The following MEI1 variants were observed in gnomAD, a reference collection of about 807,000 sequenced individuals.
MEI1 encodes meiotic double-stranded break formation protein 1, also known as meiosis inhibitor protein 1.
Under a neutral mutation model 146.2 loss-of-function variants are expected in MEI1, and 103 were observed. That is an observed-to-expected ratio of 0.70 (90% confidence interval 0.60 to 0.83). MEI1 has a LOEUF of 0.83. Among genes scored for constraint, MEI1 ranks in the 40% least tolerant of loss-of-function variants. The probability of loss-of-function intolerance (pLI) is 0.00; values close to 1 mark genes in which losing one functional copy is unlikely to be tolerated. For missense variants in MEI1, 1,529 were observed against 1,533.0 expected (o/e 1.00, Z 0.04); for synonymous variants, 652 against 628.2 (o/e 1.04, Z -0.57).
At chr22:41,768,275 G>A (rs771444499) in intron 19 of MEI1, among the ~76,000 whole-genome samples, 6 of 151,918 alleles carry the variant, frequency 3.9e-5, no homozygotes, top group African/African-American at 1.2e-4. Context: ...CCAGCTACTC[G>A]GGAGGCTGAG....
chr22:41,729,689 C>T lies in MEI1; in HGVS notation c.889C>T (p.Leu297=). Residue 297 remains leucine, a synonymous_variant, in exon 8 of 31, where the codon CTG becomes TTG. Transcript: ENST00000401548. The stretch of plus-strand genomic sequence containing the variant: ...GCTTCTCCTCTCTAGAGATGAAACC[C>T]TGCAGGTGGCCAGTGCTCACTGTAT... ...KKLLLSRDET[L]QVASAHCITA... is the part of the protein sequence containing the mutation. 2 of 1,611,660 alleles carry T rather than the reference C, an allele frequency of 1.2e-6. No individual in the cohort carries two copies. The highest frequency in any genetic ancestry group is 8.5e-7 in the Non-Finnish European group (1 of 1,179,002).
intron 11 of MEI1, among the ~76,000 whole-genome samples, chr22:41,738,402 C>T (rs1460428579): frequency 2.0e-5 from 3 of 152,116 alleles, no homozygotes; most frequent in Non-Finnish European, 2.9e-5. Flanking sequence ...GCCTGACCAA[C>T]GTGGTTCATC....
At chr22:41,763,660 T>G (rs2074654450) in intron 19 of MEI1, among the ~76,000 whole-genome samples, 1 of 151,928 alleles carries the variant, frequency 6.6e-6, no homozygotes, top group South Asian at 2.1e-4. Flanking sequence ...TGGTGTGATT[T>G]CGGCTCACTG....
intron 20 of MEI1, among the ~76,000 whole-genome samples, chr22:41,771,352 ACTC>A (rs1469727598): frequency 2.0e-5 from 3 of 151,938 alleles, no homozygotes; most frequent in East Asian, 1.9e-4. Flanking sequence ...TGGCAGAGGG[ACTC>A]CTCCTCTTTT....
At chr22:41,710,080 C>T (rs1014232032) in intron 3 of MEI1, among the ~76,000 whole-genome samples, 4 of 151,772 alleles carry the variant, frequency 2.6e-5, no homozygotes, top group Non-Finnish European at 5.9e-5. Context: ...TAAAATGAGG[C>T]AATTAGGATG....
chr22:41,746,597 G>T (rs1376309570), intron 14 of MEI1, among the ~76,000 whole-genome samples: 1 of 152,216 alleles, frequency 6.6e-6, no homozygotes, highest in East Asian at 1.9e-4. Flanking sequence ...CTGACTTGAG[G>T]TTGAGATGGT....
At position 41,716,080 on chromosome 22, in the gene MEI1, C is replaced by G; in HGVS notation, c.463C>G (p.Leu155Val). 1 of 1,611,988 alleles carries G rather than the reference C, an allele frequency of 6.2e-7. No individual in the cohort carries two copies. The stretch of plus-strand genomic sequence containing the variant: ...CTCCATGCGAGGCAGCCTGGCCACC[C>G]TGACCCTTCTTGGCAAGTTGGTGGA... ...MPSMRGSLATLTLLGKLVDAI... is the reference protein window; with the variant it reads ...MPSMRGSLATVTLLGKLVDAI... The change falls in exon 5 of 31, where the codon CTG (leucine) becomes GTG (valine). Residue 155 changes from leucine to valine, a missense_variant. Coordinates refer to ENST00000401548, the MANE Select transcript of MEI1 (RefSeq NM_152513.4).
chr22:41,762,955 C>T (rs1325207049), intron 18 of MEI1, among the ~76,000 whole-genome samples: 2 of 152,136 alleles, frequency 1.3e-5, no homozygotes, highest in Non-Finnish European at 2.9e-5. Flanking sequence ...GAGTATTTGG[C>T]CCCTAACTGA....
At chr22:41,742,160 T>C (rs1219931883) in intron 11 of MEI1, among the ~76,000 whole-genome samples, 1 of 152,094 alleles carries the variant, frequency 6.6e-6, no homozygotes, top group Non-Finnish European at 1.5e-5. Context: ...CTCAGGTGGC[T>C]GAGGCAGGAG....
At chr22:41,747,259 G>C (rs867290199) in intron 14 of MEI1, 2 of 149,470 alleles carry the variant, frequency 1.3e-5, no homozygotes, top group African/African-American at 5.0e-5. Context: ...TTTTAATTCA[G>C]AGCTGTGTTT....
Position 41,749,597 on chromosome 22 carries a change from G to C in MEI1, c.1792+1379G>C, listed in dbSNP as rs556116761. ...GCCTGGAATTTGGATTTTATCCTAG[G>C]AGTTTTGTTGAGTTTTAAAGAAGTG... On this transcript the variant is annotated intron_variant, in intron 15 of 30. Coordinates refer to ENST00000401548, the MANE Select transcript of MEI1 (RefSeq NM_152513.4). Among the ~76,000 whole-genome samples the C allele has an allele frequency of 2.0e-5, 3 of 152,286 alleles. No individual in the cohort carries two copies. In the East Asian group the frequency reaches 5.8e-4, roughly 29 times the overall value.
At position 41,703,426 on chromosome 22, in the gene MEI1, C is replaced by G. The variant is rs370420660; in HGVS notation, c.270C>G (p.Val90=). ...VTQLVSQDQR[V]CIHFISVLFG... The stretch of plus-strand genomic sequence containing the variant: ...AACTGGTGTCTCAGGATCAGAGAGT[C>G]TGCATCCACTTCATAAGTGTGCTTT... The change falls in exon 2 of 31, where the codon GTC becomes GTG. Residue 90 remains valine, a synonymous_variant. Transcript: ENST00000401548. 5.2e-4 allele frequency: 839 copies of G among 1,603,494 alleles called. No homozygotes were observed. The highest frequency in any genetic ancestry group is 6.2e-4 in the Non-Finnish European group (724 of 1,175,098).
At chr22:41,790,808 G>A (rs1388372286) in intron 26 of MEI1, among the ~76,000 whole-genome samples, 1 of 152,016 alleles carries the variant, frequency 6.6e-6, no homozygotes, top group African/African-American at 2.4e-5. Context: ...GGCCAGGTTG[G>A]TCTCGAACTC....
Position 41,700,749 on chromosome 22 carries a change from AT to A in MEI1, c.174+1063del, listed in dbSNP as rs78862314. Among the ~76,000 whole-genome samples the A allele has an allele frequency of 8.1e-3, 953 of 117,494 alleles. 3 individuals carry two copies. Among genetic ancestry groups the A allele is most frequent in the African/African-American group, 0.033 (864 of 26,176 alleles). The allele number at this position is 117,494 out of a possible 152,430, so 77.1% of individuals were successfully genotyped here. A position where few individuals can be genotyped will look rare whatever the true frequency, so the allele number is the denominator to read the frequency against. ...GGATTGGCTAGATCAGCAGTTCTCA[AT>A]TTTTTTTTTTTTTTTTTTTTTTTTT... On this transcript the variant is annotated intron_variant, in intron 1 of 30. Coordinates refer to ENST00000401548, the MANE Select transcript of MEI1 (RefSeq NM_152513.4).
intron 22 of MEI1, 131 bp downstream of exon 22, chr22:41,778,943 T>C (rs2075612017): frequency 1.5e-6 from 1 of 653,494 alleles, no homozygotes; most frequent in Non-Finnish European, 2.6e-6. Flanking sequence ...GGTCAGTCTG[T>C]CCCTAGGGTT....
At chr22:41,761,184 G>A (rs1170693492) in intron 18 of MEI1, among the ~76,000 whole-genome samples, 5 of 152,124 alleles carry the variant, frequency 3.3e-5, no homozygotes, top group Admixed American at 1.3e-4. Flanking sequence ...GGTGGCGAGC[G>A]TCTGTAATCC....
intron 7 of MEI1, among the ~76,000 whole-genome samples, chr22:41,727,671 C>CA (rs1319867348): frequency 2.0e-5 from 3 of 152,112 alleles, no homozygotes; most frequent in African/African-American, 7.2e-5. Flanking sequence ...AACGTATAGT[C>CA]ATACTCATAG....
chr22:41,778,565 T>G (rs2075589513), intron 21 of MEI1, 143 bp from the exon 22 acceptor site: 1 of 616,412 alleles, frequency 1.6e-6, no homozygotes, highest in Non-Finnish European at 2.9e-6. Context: ...GAAATAGGAG[T>G]AAATCCCAAC....
chr22:41,738,462 C>CTG (rs1450449137), intron 11 of MEI1, among the ~76,000 whole-genome samples: 2 of 152,086 alleles, frequency 1.3e-5, no homozygotes, highest in Admixed American at 6.6e-5. Context: ...TGGCGGGTGC[C>CTG]TGTAATTCCA....
Sources: allele counts gnomAD v4.1 joint callset (sites outside exome capture counted in the v4.1 genomes callset), GRCh38; gene constraint gnomAD v4.1.1; transcripts MANE v1.5; gene names NCBI Gene and HGNC (gene_info 2026-07-23, HGNC 2026-07-21).